The following PRKN variants were observed in gnomAD, a reference collection of about 807,000 sequenced individuals.
PRKN encodes parkin RBR E3 ubiquitin protein ligase, also known as E3 ubiquitin-protein ligase parkin.
In PRKN, 56 loss-of-function variants were observed where a neutral mutation model predicts 59.5. The ratio of observed to expected loss-of-function variants is 0.94; its 90% CI spans 0.76 to 1.18. PRKN has a LOEUF of 1.18. Among genes scored for constraint, PRKN ranks in the 50% most tolerant of loss-of-function variants. The pLI is 0.00. For missense variants in PRKN, 657 were observed against 596.4 expected (o/e 1.10, Z -1.06); for synonymous variants, 250 against 222.1 (o/e 1.13, Z -1.12).
At chr6:162,220,339 T>G (rs1777872668) in intron 3 of PRKN, among the ~76,000 whole-genome samples, 1 of 152,054 alleles carries the variant, frequency 6.6e-6, no homozygotes, top group African/African-American at 2.4e-5. Context: ...GGGACCTAAT[T>G]AAACCTGCAT....
At chr6:161,569,273 G>A (rs905943221) in intron 8 of PRKN, 82 bp downstream of exon 8, 7 of 1,242,182 alleles carry the variant, frequency 5.6e-6, no homozygotes, top group East Asian at 4.6e-5. Flanking sequence ...AGACATACTC[G>A]GCCTCCCTGG....
chr6:162,476,271 C>T (rs1223107602), intron 1 of PRKN, among the ~76,000 whole-genome samples: 2 of 151,142 alleles, frequency 1.3e-5, no homozygotes, highest in East Asian at 2.0e-4. Context: ...GGGGTTTCTC[C>T]ATGTTGGTCA....
intron 9 of PRKN, among the ~76,000 whole-genome samples, chr6:161,506,254 G>T (rs1387140797): frequency 3.9e-5 from 6 of 152,000 alleles, no homozygotes; most frequent in South Asian, 2.1e-4. Flanking sequence ...CCCTTGTAAG[G>T]TGGATTCCTA....
At position 161,360,453 on chromosome 6, in the gene PRKN, T is replaced by C. The variant is rs1784932259; in HGVS notation, c.1168-248A>G. Among the ~76,000 whole-genome samples the C allele has an allele frequency of 6.6e-6, 1 of 152,238 alleles. No homozygotes were observed. The highest frequency in any genetic ancestry group is 6.5e-5 in the Admixed American group (1 of 15,284). ...TGGTTTTGTAGTGTGAGCTCCTCTA[T>C]TCTGTTGTTTTGCATAATTGTAATA... is the stretch of plus-strand genomic sequence containing the variant. On this transcript the variant is annotated intron_variant, in intron 10 of 11. Coordinates refer to ENST00000366898, the MANE Select transcript of PRKN (RefSeq NM_004562.3). This position sits in a 1 kb window ranked among gnomAD's most constrained non-coding sequence, Gnocchi z 5.1.
At chr6:162,401,423 T>C (rs555331641) in intron 2 of PRKN, among the ~76,000 whole-genome samples, 1 of 152,220 alleles carries the variant, frequency 6.6e-6, no homozygotes, top group East Asian at 1.9e-4. Context: ...TGGCATATCA[T>C]AGCTTACTGT....
chr6:161,908,657 C>A (rs1023892337), intron 6 of PRKN, among the ~76,000 whole-genome samples: 28 of 114,420 alleles, frequency 2.4e-4, no homozygotes, highest in African/African-American at 8.9e-4. Context: ...CAGTGAAGTT[C>A]TTTTCAATGA....
chr6:162,206,619 G>A (rs1784951624), intron 3 of PRKN, among the ~76,000 whole-genome samples: 1 of 152,122 alleles, frequency 6.6e-6, no homozygotes, highest in African/African-American at 2.4e-5. Flanking sequence ...CCTGCGCCTA[G>A]TCATGCAGGG....
chr6:161,520,761 C>T (rs505319), intron 9 of PRKN, among the ~76,000 whole-genome samples: 99,839 of 152,078 alleles, frequency 0.66, 32,818 homozygotes, highest in Middle Eastern at 0.72. Context: ...AAGAGAAATC[C>T]AATGCTGATG....
intron 5 of PRKN, among the ~76,000 whole-genome samples, chr6:162,049,401 G>A (rs1331313289): frequency 6.6e-6 from 1 of 152,090 alleles, no homozygotes; most frequent in Non-Finnish European, 1.5e-5. Context: ...CAGAAAAATG[G>A]TTTTAAGAGA....
intron 1 of PRKN, among the ~76,000 whole-genome samples, chr6:162,453,991 G>C (rs1451387047): frequency 6.6e-6 from 1 of 152,162 alleles, no homozygotes; most frequent in Non-Finnish European, 1.5e-5. Flanking sequence ...AGAAAGACTG[G>C]ATGATAACTA....
At chr6:162,140,895 G>A (rs1428334765) in intron 4 of PRKN, among the ~76,000 whole-genome samples, 3 of 152,286 alleles carry the variant, frequency 2.0e-5, no homozygotes, top group South Asian at 2.1e-4. Flanking sequence ...TTGGGAGGCC[G>A]AGGCGGGCAG....
chr6:161,656,196 A>G (rs1040862469), intron 7 of PRKN, among the ~76,000 whole-genome samples: 2 of 152,216 alleles, frequency 1.3e-5, no homozygotes, highest in African/African-American at 2.4e-5. Context: ...TCAAGGAGCG[A>G]AATCCTCAGC....
chr6:162,669,404 T>C (rs770357448), intron 1 of PRKN, among the ~76,000 whole-genome samples: 8 of 152,170 alleles, frequency 5.3e-5, no homozygotes, highest in Non-Finnish European at 1.2e-4. Context: ...GGACTGTTTA[T>C]TTAGAGATCT....
intron 6 of PRKN, among the ~76,000 whole-genome samples, chr6:161,840,186 G>A (rs1028246503): frequency 6.6e-6 from 1 of 152,182 alleles, no homozygotes; most frequent in Non-Finnish European, 1.5e-5. Context: ...GTAGGCTCGT[G>A]GGCAGGGGAC....
chr6:162,563,665 A>T (rs570300908), intron 1 of PRKN, among the ~76,000 whole-genome samples: 1 of 152,352 alleles, frequency 6.6e-6, no homozygotes, highest in African/African-American at 2.4e-5. Flanking sequence ...CATCAAATGA[A>T]CTAAATAAGG....
intron 7 of PRKN, among the ~76,000 whole-genome samples, chr6:161,716,614 G>T (rs73783354): frequency 6.6e-6 from 1 of 152,104 alleles, no homozygotes; most frequent in Non-Finnish European, 1.5e-5. Flanking sequence ...TGTCTCAAGA[G>T]GGGGGGAAAA....
chr6:161,464,999 G>T (rs1790393686), intron 9 of PRKN, among the ~76,000 whole-genome samples: 1 of 152,192 alleles, frequency 6.6e-6, no homozygotes, highest in Non-Finnish European at 1.5e-5. Context: ...GGTCCTTGTG[G>T]TCAACAAAAG....
intron 1 of PRKN, among the ~76,000 whole-genome samples, chr6:162,559,672 T>C (rs890221579): frequency 4.6e-5 from 7 of 152,200 alleles, no homozygotes; most frequent in Non-Finnish European, 1.0e-4. Context: ...ACCACAAAGC[T>C]TAAACAGATA....
At chr6:162,208,759 A>G (rs1241522345) in intron 3 of PRKN, among the ~76,000 whole-genome samples, 1 of 152,156 alleles carries the variant, frequency 6.6e-6, no homozygotes, top group African/African-American at 2.4e-5. Flanking sequence ...TAAACTCCAT[A>G]ATATAAATGT....
Sources: allele counts gnomAD v4.1 joint callset (sites outside exome capture counted in the v4.1 genomes callset), GRCh38; gene constraint gnomAD v4.1.1; non-coding constraint Gnocchi (gnomAD v3.1); transcripts MANE v1.5; gene names NCBI Gene and HGNC (gene_info 2026-07-23, HGNC 2026-07-21).